SGCD: variants seen among roughly 807,000 people sequenced by gnomAD.
The protein encoded by SGCD is delta-sarcoglycan.
Under a neutral mutation model 36.6 loss-of-function variants are expected in SGCD, and 18 were observed. The ratio of observed to expected loss-of-function variants is 0.49; its 90% confidence interval spans 0.34 to 0.73. The LOEUF (loss-of-function observed/expected upper bound fraction) is 0.73, where lower values mean the gene tolerates loss of function less well. Ranked by LOEUF, SGCD falls within the 30% of genes least tolerant of loss-of-function variation. SGCD has a pLI of 0.01. For synonymous variants in SGCD, 133 were observed against 130.6 expected, an observed-to-expected ratio of 1.02 and a Z score of -0.12; for missense variants, 387 against 346.7, an observed-to-expected ratio of 1.12 and a Z score of -0.92.
chr5:156,195,620 C>T (rs920974297), intron 3 of SGCD, among the ~76,000 whole-genome samples: 12 of 152,000 alleles, frequency 7.9e-5, no homozygotes, highest in Admixed American at 4.6e-4. Flanking sequence ...TTTTTCTATG[C>T]GTATGGATAC....
At chr5:156,377,416 T>A (rs1474520506) in intron 3 of SGCD, among the ~76,000 whole-genome samples, 1 of 152,208 alleles carries the variant, frequency 6.6e-6, no homozygotes, top group Non-Finnish European at 1.5e-5. Context: ...CACAACACAC[T>A]ATGTTTTCTT....
chr5:156,137,989 A>G (rs256772), intron 3 of SGCD, among the ~76,000 whole-genome samples: 137 of 152,274 alleles, frequency 9.0e-4, no homozygotes, highest in African/African-American at 3.1e-3. Flanking sequence ...ACAAAGGTAT[A>G]CACTCATGGA....
intron 3 of SGCD, among the ~76,000 whole-genome samples, chr5:156,319,318 T>C (rs1171365646): frequency 6.6e-6 from 1 of 152,194 alleles, no homozygotes; most frequent in East Asian, 1.9e-4. Context: ...TTTTCTTCAA[T>C]TCATTCCAGC....
intron 8 of SGCD, among the ~76,000 whole-genome samples, chr5:156,758,565 G>A (rs1757423074): frequency 6.6e-6 from 1 of 152,032 alleles, no homozygotes. Context: ...TATCACAACT[G>A]CCTCTTCAAG....
intron 4 of SGCD, among the ~76,000 whole-genome samples, chr5:156,526,692 G>A (rs1757655677): frequency 6.6e-6 from 1 of 152,054 alleles, no homozygotes; most frequent in Non-Finnish European, 1.5e-5. Context: ...AAATGTATCT[G>A]TTTTCCTCTT....
At chr5:156,023,750 A>G (rs1050355257) in intron 1 of SGCD, among the ~76,000 whole-genome samples, 2 of 152,218 alleles carry the variant, frequency 1.3e-5, no homozygotes, top group Non-Finnish European at 2.9e-5. Flanking sequence ...ATTGTTCAAG[A>G]TGCACAGTAG....
the SGCD span, among the ~76,000 whole-genome samples, chr5:155,860,554 A>G: frequency 1.3e-5 from 2 of 152,210 alleles, no homozygotes; most frequent in Admixed American, 1.3e-4. Context: ...AAGGATGAAA[A>G]TAATCAAAGA....
intron 7 of SGCD, among the ~76,000 whole-genome samples, chr5:156,755,927 G>C (rs1757318214): frequency 6.6e-6 from 1 of 152,126 alleles, no homozygotes; most frequent in African/African-American, 2.4e-5. Flanking sequence ...GCTCTCTCTT[G>C]GCATTTGTGC....
intron 3 of SGCD, among the ~76,000 whole-genome samples, chr5:156,394,227 C>G (rs373650759): frequency 1.6e-4 from 25 of 152,124 alleles, no homozygotes; most frequent in African/African-American, 5.3e-4. Flanking sequence ...TAGTGGATGA[C>G]GTAAGTTTAT....
At chr5:155,810,525 A>G in the SGCD span, among the ~76,000 whole-genome samples, 1 of 152,108 alleles carries the variant, frequency 6.6e-6, no homozygotes, top group African/African-American at 2.4e-5. Context: ...ATAATTGGCT[A>G]GACAGCTGCT....
At chr5:156,508,235 G>A (rs965795835) in intron 3 of SGCD, among the ~76,000 whole-genome samples, 1 of 152,020 alleles carries the variant, frequency 6.6e-6, no homozygotes, top group Non-Finnish European at 1.5e-5. Flanking sequence ...GTAGAGTTCT[G>A]GAAATAGGAT....
chr5:156,533,546 G>A (rs1037622970), intron 4 of SGCD, among the ~76,000 whole-genome samples: 2 of 152,102 alleles, frequency 1.3e-5, no homozygotes, highest in African/African-American at 4.8e-5. Flanking sequence ...GAAATAAATG[G>A]AAGATTATAA....
chr5:156,542,698 C>T (rs1034601130), intron 4 of SGCD, among the ~76,000 whole-genome samples: 2 of 152,168 alleles, frequency 1.3e-5, no homozygotes, highest in South Asian at 2.1e-4. Context: ...ATGAGCTGCA[C>T]GACCAGCATT....
chr5:156,654,224 G>A (rs1438512069), intron 7 of SGCD, among the ~76,000 whole-genome samples: 1 of 152,126 alleles, frequency 6.6e-6, no homozygotes, highest in Non-Finnish European at 1.5e-5. Context: ...GGGAGATGAG[G>A]AAAATGTAGC....
At chr5:156,497,678 C>T (rs1756259392) in intron 3 of SGCD, among the ~76,000 whole-genome samples, 1 of 151,270 alleles carries the variant, frequency 6.6e-6, no homozygotes, top group African/African-American at 2.4e-5. Context: ...AATGATCTAA[C>T]CAATATATGA....
the SGCD span, among the ~76,000 whole-genome samples, chr5:155,779,245 C>T: frequency 6.6e-6 from 1 of 151,388 alleles, no homozygotes; most frequent in Non-Finnish European, 1.5e-5. Flanking sequence ...CCAAGACCAG[C>T]CTGAGCAACA....
At chr5:156,747,072 A>C (rs749587854) in intron 7 of SGCD, among the ~76,000 whole-genome samples, 27 of 150,860 alleles carry the variant, frequency 1.8e-4, no homozygotes, top group Non-Finnish European at 3.4e-4. Context: ...CCTTCCAAAT[A>C]AACATATTTG....
At chr5:156,627,985 A>G (rs1369191235) in intron 6 of SGCD, among the ~76,000 whole-genome samples, 10 of 152,170 alleles carry the variant, frequency 6.6e-5, no homozygotes. Flanking sequence ...AAAAGGTTTA[A>G]TTGGCTCACA....
chr5:155,900,829 A>G (rs1756372979), intron 1 of SGCD, among the ~76,000 whole-genome samples: 1 of 152,140 alleles, frequency 6.6e-6, no homozygotes. Flanking sequence ...AACTTGAGGT[A>G]TAACTGGTAA....
Sources: allele counts gnomAD v4.1 joint callset (sites outside exome capture counted in the v4.1 genomes callset), GRCh38; gene constraint gnomAD v4.1.1; transcripts MANE v1.5; gene names NCBI Gene and HGNC (gene_info 2026-07-23, HGNC 2026-07-21).